Variants in ME1 observed in about 807,000 individuals in gnomAD.
ME1 encodes the protein malic enzyme 1.
In ME1, 74 loss-of-function variants were observed where a neutral mutation model predicts 66.4. That is an observed-to-expected ratio of 1.11 (90% CI 0.92 to 1.35). The LOEUF (loss-of-function observed/expected upper bound fraction) is 1.35. Ranked by LOEUF, ME1 falls within the 40% of genes most tolerant of loss-of-function variation. The pLI is 0.00. For missense variants in ME1, 750 were observed against 694.1 expected, an observed-to-expected ratio of 1.08 and a Z score of -0.90; for synonymous variants, 251 against 235.6, an observed-to-expected ratio of 1.07 and a Z score of -0.60.
intron 3 of ME1, among the ~76,000 whole-genome samples, chr6:83,377,278 A>G (rs1398216722): frequency 6.6e-6 from 1 of 152,190 alleles, no homozygotes; most frequent in Non-Finnish European, 1.5e-5. Flanking sequence ...TTGAAGGAGA[A>G]TATAATCTAG....
At chr6:83,306,092 T>C (rs564328283) in intron 6 of ME1, among the ~76,000 whole-genome samples, 1 of 152,260 alleles carries the variant, frequency 6.6e-6, no homozygotes, top group South Asian at 2.1e-4. Context: ...TGATAGTGTT[T>C]TTTGTTTTGT....
chr6:83,422,548 T>G, intron 1 of ME1, among the ~76,000 whole-genome samples: 1 of 152,302 alleles, frequency 6.6e-6, no homozygotes, highest in Non-Finnish European at 1.5e-5. Flanking sequence ...TTCTGTACAA[T>G]GTACAAAGAC....
At chr6:83,412,945 T>C (rs892458090) in intron 1 of ME1, among the ~76,000 whole-genome samples, 2 of 152,194 alleles carry the variant, frequency 1.3e-5, no homozygotes, top group Admixed American at 1.3e-4. Context: ...CTAATAGAAC[T>C]GTACATCCAA....
chr6:83,210,518 C>A lies in ME1; in HGVS notation c.*1406G>T, dbSNP rs1472309228. ...AACATAGAAACAGACAAGAAATACA[C>A]AGACATTCTGATTCTTCTCCAAATA... On this transcript the variant is annotated 3_prime_UTR_variant, in exon 14 of 14. Transcript: ENST00000369705. 1 of 152,608 alleles carries A rather than the reference C, an allele frequency of 6.6e-6. No homozygotes were observed. The highest frequency in any genetic ancestry group is 1.5e-5 in the Non-Finnish European group (1 of 68,036). The allele number at this position is 152,608 out of a possible 1,614,324, so 9.5% of individuals were successfully genotyped here.
chr6:83,382,491 T>C (rs576125402), intron 3 of ME1, among the ~76,000 whole-genome samples: 76 of 152,202 alleles, frequency 5.0e-4, no homozygotes, highest in African/African-American at 1.6e-3. Flanking sequence ...TAAATTACTA[T>C]AATTAATCCA....
chr6:83,310,753 A>C (rs74663127), intron 6 of ME1, among the ~76,000 whole-genome samples: 2 of 152,186 alleles, frequency 1.3e-5, no homozygotes, highest in South Asian at 2.1e-4. Flanking sequence ...GGGAAAAAAA[A>C]CACAAAAAGC....
At chr6:83,267,001 C>T (rs541717990) in intron 6 of ME1, among the ~76,000 whole-genome samples, 2 of 152,116 alleles carry the variant, frequency 1.3e-5, no homozygotes, top group African/African-American at 2.4e-5. Context: ...TTCAAGAATG[C>T]AACTTCGTCT....
At chr6:83,319,021 G>C (rs536396088) in intron 5 of ME1, among the ~76,000 whole-genome samples, 26 of 149,180 alleles carry the variant, frequency 1.7e-4, no homozygotes, top group Non-Finnish European at 3.6e-4. Context: ...GATGAAATTG[G>C]AAATCATCAT....
chr6:83,229,262 T>G lies in ME1; in HGVS notation c.1027-331A>C, dbSNP rs74576768. 7.0e-3 allele frequency: 2,941 copies of G among 418,518 alleles called. 148 individuals are homozygous for G. The Admixed American group carries it at 0.074, about 11-fold the overall frequency. 25.9% of individuals were successfully genotyped at this position (418,518 alleles called of 1,614,324 possible). ...AAATATAATTTAAATAATTATATTG[T>G]TCGTCACACATTGTGTTTTATAGCA... On this transcript the variant is annotated intron_variant, in intron 9 of 13. Transcript: ENST00000369705.
At chr6:83,394,422 A>G (rs1769690199) in intron 3 of ME1, among the ~76,000 whole-genome samples, 1 of 152,184 alleles carries the variant, frequency 6.6e-6, no homozygotes, top group African/African-American at 2.4e-5. Context: ...ATATCCCCAA[A>G]ATATGTATAT....
chr6:83,357,205 C>T (rs1768907667), intron 3 of ME1, among the ~76,000 whole-genome samples: 1 of 152,158 alleles, frequency 6.6e-6, no homozygotes, highest in African/African-American at 2.4e-5. Context: ...CCGACCGGTC[C>T]TATTAGTGAT....
chr6:83,356,441 C>A (rs529570740), intron 3 of ME1, among the ~76,000 whole-genome samples: 1 of 152,100 alleles, frequency 6.6e-6, no homozygotes, highest in South Asian at 2.1e-4. Context: ...GTCTAAAGAT[C>A]AGGAAATAGC....
intron 7 of ME1, among the ~76,000 whole-genome samples, chr6:83,240,138 T>G (rs1021268423): frequency 1.3e-4 from 19 of 151,984 alleles, no homozygotes; most frequent in African/African-American, 4.6e-4. Flanking sequence ...AAACTCTTCT[T>G]CACACAAAGT....
At chr6:83,412,854 G>C (rs1770078281) in intron 1 of ME1, among the ~76,000 whole-genome samples, 1 of 152,198 alleles carries the variant, frequency 6.6e-6, no homozygotes, top group African/African-American at 2.4e-5. Context: ...TTCAAAGAGG[G>C]AGCAAAAAGA....
chr6:83,298,943 T>G (rs866759420), intron 6 of ME1, among the ~76,000 whole-genome samples: 178 of 74,864 alleles, frequency 2.4e-3, no homozygotes, highest in African/African-American at 7.7e-3. Flanking sequence ...TTTTTTTTTT[T>G]TTTTTTTTTT....
intron 6 of ME1, among the ~76,000 whole-genome samples, chr6:83,265,333 A>G (rs1183749010): frequency 6.6e-6 from 1 of 152,024 alleles, no homozygotes; most frequent in African/African-American, 2.4e-5. Context: ...GTCTCACTCC[A>G]TCATCCAGAC....
intron 6 of ME1, among the ~76,000 whole-genome samples, chr6:83,300,990 G>C (rs1344279028): frequency 6.6e-6 from 1 of 152,104 alleles, no homozygotes; most frequent in Non-Finnish European, 1.5e-5. Flanking sequence ...GGTAGGAATT[G>C]AACAATAAGA....
Position 83,317,949 on chromosome 6 carries a change from C to A in ME1, c.601-2536G>T, listed in dbSNP as rs1261983081. On this transcript the variant is annotated intron_variant, in intron 5 of 13. Transcript: ENST00000369705. ...AAACAGCATGGTACTGGTACCAAAA[C>A]AGAGATATAGATCAACGGAACAGAA... is the stretch of plus-strand genomic sequence containing the variant. Among the ~76,000 whole-genome samples, 5 of 152,058 alleles carry A rather than the reference C, an allele frequency of 3.3e-5. 1 individual carries two copies. The highest frequency in any genetic ancestry group is 2.9e-5 in the Non-Finnish European group (2 of 68,008).
At chr6:83,405,236 G>T (rs1490005740) in intron 2 of ME1, among the ~76,000 whole-genome samples, 3 of 152,020 alleles carry the variant, frequency 2.0e-5, no homozygotes, top group Non-Finnish European at 4.4e-5. Context: ...CTTGTTAGTT[G>T]TATTCCCGGG....
Sources: gnomAD v4.1 joint callset for allele counts (sites outside exome capture counted in the v4.1 genomes callset) on GRCh38, gnomAD v4.1.1 for gene constraint, MANE v1.5 for transcripts, NCBI Gene and HGNC (gene_info 2026-07-23, HGNC 2026-07-21) for gene names.